The following SH3GL2 variants were observed in gnomAD, a reference collection of about 807,000 sequenced individuals.
SH3GL2 encodes endophilin-A1.
In SH3GL2, 24 loss-of-function variants were observed where a neutral mutation model predicts 46.0. The observed-to-expected ratio is 0.52, with a 90% CI of 0.38 to 0.73. The LOEUF (loss-of-function observed/expected upper bound fraction) is 0.73, where lower values mean the gene tolerates loss of function less well. Ranked by LOEUF, SH3GL2 falls within the 30% of genes least tolerant of loss-of-function variation. The pLI, the probability that SH3GL2 is intolerant of heterozygous loss-of-function variation, is 0.00. For missense variants in SH3GL2, 413 were observed against 424.2 expected (o/e 0.97, Z 0.23); for synonymous variants, 196 against 147.1 (o/e 1.33, Z -2.40).
At chr9:17,638,152 C>G (rs1347258630) in intron 1 of SH3GL2, among the ~76,000 whole-genome samples, 6 of 134,776 alleles carry the variant, frequency 4.5e-5, no homozygotes, top group African/African-American at 8.2e-5. Context: ...GCGAGACTCC[C>G]TCTCAAAAAA....
At chr9:17,624,812 G>C (rs550892412) in intron 1 of SH3GL2, among the ~76,000 whole-genome samples, 1 of 152,338 alleles carries the variant, frequency 6.6e-6, no homozygotes, top group African/African-American at 2.4e-5. Flanking sequence ...GGTATAGGCA[G>C]TATGGTCTGT....
chr9:17,758,999 G>A (rs942080146), intron 2 of SH3GL2, among the ~76,000 whole-genome samples: 3 of 152,198 alleles, frequency 2.0e-5, no homozygotes, highest in African/African-American at 4.8e-5. Flanking sequence ...TCTTCCCTGA[G>A]ACCACTGGCT....
At chr9:17,694,903 A>G (rs1402027037) in intron 1 of SH3GL2, among the ~76,000 whole-genome samples, 1 of 152,068 alleles carries the variant, frequency 6.6e-6, no homozygotes, top group Non-Finnish European at 1.5e-5. Flanking sequence ...GGAATGGAGT[A>G]GGGGAGGCAG....
At chr9:17,791,401 GA>G in intron 7 of SH3GL2, 67 bp downstream of exon 7, 2 of 1,100,402 alleles carry the variant, frequency 1.8e-6, no homozygotes, top group East Asian at 4.8e-5. Flanking sequence ...TAAAGAAATG[GA>G]AATCATAGAA....
At chr9:17,655,032 G>GA (rs1198940148) in intron 1 of SH3GL2, among the ~76,000 whole-genome samples, 1 of 152,138 alleles carries the variant, frequency 6.6e-6, no homozygotes, top group Non-Finnish European at 1.5e-5. Context: ...TGCTTTGTGT[G>GA]AAAAATCCCT....
chr9:17,762,839 C>A (rs3808675), intron 3 of SH3GL2, among the ~76,000 whole-genome samples: 1 of 151,918 alleles, frequency 6.6e-6, no homozygotes, highest in Non-Finnish European at 1.5e-5. Context: ...TTATTCCTTA[C>A]TGTTTAAACC....
At chr9:17,610,263 A>G in intron 1 of SH3GL2, among the ~76,000 whole-genome samples, 1 of 152,286 alleles carries the variant, frequency 6.6e-6, no homozygotes, top group East Asian at 1.9e-4. Context: ...TTAATCAATT[A>G]CCCAGTTGGT....
intron 3 of SH3GL2, among the ~76,000 whole-genome samples, chr9:17,761,790 A>G (rs1006845794): frequency 2.0e-5 from 3 of 152,248 alleles, no homozygotes; most frequent in Non-Finnish European, 2.9e-5. Flanking sequence ...ATATCAGAGT[A>G]GCTATAAACT....
intron 1 of SH3GL2, among the ~76,000 whole-genome samples, chr9:17,659,915 T>C (rs1049910651): frequency 2.0e-5 from 3 of 152,208 alleles, no homozygotes; most frequent in African/African-American, 7.2e-5. Flanking sequence ...TGGCTGGAAT[T>C]TACTAATATC....
chr9:17,670,004 T>C (rs1820434576), intron 1 of SH3GL2, among the ~76,000 whole-genome samples: 1 of 152,118 alleles, frequency 6.6e-6, no homozygotes, highest in Admixed American at 6.6e-5. Flanking sequence ...GGAGGCAGTA[T>C]CTGAACATAG....
At chr9:17,784,144 G>A (rs1019205490) in intron 3 of SH3GL2, among the ~76,000 whole-genome samples, 1 of 152,056 alleles carries the variant, frequency 6.6e-6, no homozygotes, top group Non-Finnish European at 1.5e-5. Context: ...ATCATTTGAA[G>A]TAGATAAGCT....
chr9:17,789,652 A>T (rs112500303), intron 6 of SH3GL2, 102 bp downstream of exon 6: 3 of 1,526,642 alleles, frequency 2.0e-6, no homozygotes, highest in Non-Finnish European at 2.7e-6. Flanking sequence ...TGATTACACT[A>T]TGTGATAAGA....
chr9:17,684,613 A>G (rs1820857342), intron 1 of SH3GL2, among the ~76,000 whole-genome samples: 1 of 152,156 alleles, frequency 6.6e-6, no homozygotes, highest in South Asian at 2.1e-4. Flanking sequence ...TAAGAAATCC[A>G]ATAAGCTCAC....
At chr9:17,787,957 A>G (rs911096384) in intron 5 of SH3GL2, among the ~76,000 whole-genome samples, 3 of 152,126 alleles carry the variant, frequency 2.0e-5, no homozygotes, top group Admixed American at 2.0e-4. Flanking sequence ...AATTAGATGG[A>G]TGTTATGTGT....
chr9:17,615,798 T>C (rs1818980426), intron 1 of SH3GL2, among the ~76,000 whole-genome samples: 1 of 152,112 alleles, frequency 6.6e-6, no homozygotes, highest in Non-Finnish European at 1.5e-5. Context: ...ATTTATTTTC[T>C]ATAGGAAAAT....
intron 8 of SH3GL2, 28 bp downstream of exon 8, chr9:17,793,525 G>T: frequency 6.2e-7 from 1 of 1,609,348 alleles, no homozygotes. Context: ...AGATCCTATT[G>T]CATAGCCCTT....
At chr9:17,580,385 A>G (rs531555211) in intron 1 of SH3GL2, among the ~76,000 whole-genome samples, 1 of 152,292 alleles carries the variant, frequency 6.6e-6, no homozygotes, top group Non-Finnish European at 1.5e-5. Context: ...AACCACATCC[A>G]GAAAAGGTGA....
At chr9:17,721,961 G>C (rs1398740503) in intron 1 of SH3GL2, among the ~76,000 whole-genome samples, 1 of 152,086 alleles carries the variant, frequency 6.6e-6, no homozygotes, top group Admixed American at 6.6e-5. Flanking sequence ...TCCGCAGTGA[G>C]GTGAGGTGAG....
At chr9:17,597,554 G>C (rs1404488221) in intron 1 of SH3GL2, among the ~76,000 whole-genome samples, 2 of 151,586 alleles carry the variant, frequency 1.3e-5, no homozygotes, top group Non-Finnish European at 2.9e-5. Flanking sequence ...ATGATTTTTT[G>C]AATGAAGGTA....
Sources: gnomAD v4.1 joint callset for allele counts (sites outside exome capture counted in the v4.1 genomes callset) on GRCh38, gnomAD v4.1.1 for gene constraint, MANE v1.5 for transcripts, NCBI Gene and HGNC (gene_info 2026-07-23, HGNC 2026-07-21) for gene names.